The following CXXC1 variants were observed in gnomAD, a reference collection of about 807,000 sequenced individuals.
The protein encoded by CXXC1 is CXXC finger protein 1.
CXXC1 carries 21 observed loss-of-function variants against 83.6 expected under a neutral mutation model. The ratio of observed to expected loss-of-function variants is 0.25; its 90% confidence interval spans 0.18 to 0.36. The LOEUF (loss-of-function observed/expected upper bound fraction) is 0.36, where lower values mean the gene tolerates loss of function less well. Among genes scored for constraint, CXXC1 ranks in the 10% least tolerant of loss-of-function variants. The pLI is 1.00. For missense variants in CXXC1, 688 were observed against 919.5 expected (o/e 0.75, Z 3.26); for synonymous variants, 371 against 337.5 (o/e 1.10, Z -1.09).
In CXXC1 at chr18:50,282,694, T is replaced by C. The variant is rs2040533130; in HGVS notation, c.1870A>G (p.Thr624Ala). Reference protein sequence around the residue: ...ELFEQERNVRTAMTNRAGLLA... With the variant: ...ELFEQERNVRAAMTNRAGLLA... ...AATCCCGCGCGGTTTGTCATGGCTG[T>C]GCGCACATTGCGCTCCTGCTCAAAC... Residue 624 changes from threonine (T) to alanine (A), a missense_variant, in exon 15 of 15, where the codon ACA becomes GCA. Transcript: ENST00000285106. The surrounding 1 kb of genome is among the most constrained non-coding windows in gnomAD (Gnocchi z 5.8). The C allele has an allele frequency of 5.0e-6, 8 of 1,613,904 alleles. 1 individual carries two copies. In the East Asian group the frequency reaches 1.8e-4, roughly 36 times the overall value.
intron 3 of CXXC1, 47 bp from the exon 4 acceptor site, chr18:50,286,304 T>G (rs757129070): frequency 2.9e-5 from 43 of 1,506,824 alleles, no homozygotes; most frequent in Non-Finnish European, 3.2e-5. Context: ...CTGGATGGCT[T>G]GAATGGTCCC....
chr18:50,287,554 A>C lies in CXXC1; in HGVS notation c.3+33T>G, dbSNP rs760068016. The C allele has an allele frequency of 5.6e-6, 9 of 1,611,306 alleles. No homozygotes were observed. The Admixed American group carries it at 1.5e-4, about 27-fold the overall frequency. On this transcript the variant is annotated intron_variant, in intron 1 of 14. Coordinates refer to ENST00000285106, the MANE Select transcript of CXXC1 (RefSeq NM_014593.4). The stretch of plus-strand genomic sequence containing the variant: ...CACTGTTGCCAACCGACCGACCTCC[A>C]CCGCCGAACCCCTCCCTGGACCCGC...
rs542493768 is a variant in CXXC1 at position 50,287,684 on chromosome 18, C to A, written c.-95G>T. ...GGCGTCCCAGGCGGTTGCAAAGGCGCCCACAACTACTTCCGCTTCTAGTCA... is the reference window on the plus strand; with the variant it reads ...GGCGTCCCAGGCGGTTGCAAAGGCGACCACAACTACTTCCGCTTCTAGTCA... On this transcript the variant is annotated 5_prime_UTR_variant, in exon 1 of 15. Transcript: ENST00000285106. 8.1e-6 allele frequency: 12 copies of A among 1,486,160 alleles called. No homozygotes were observed. The East Asian group carries it at 2.5e-4, about 31-fold the overall frequency. 92.1% of individuals were successfully genotyped at this position (1,486,160 alleles called of 1,614,324 possible). A position where few individuals can be genotyped will look rare whatever the true frequency, so the allele number is the denominator to read the frequency against.
At position 50,285,481 on chromosome 18, in the gene CXXC1, G is replaced by T; in HGVS notation, c.640-130C>A. 2 of 1,184,158 alleles carry T rather than the reference G, an allele frequency of 1.7e-6. No homozygotes were observed. The highest frequency in any genetic ancestry group is 2.3e-6 in the Non-Finnish European group (2 of 852,432). The allele number at this position is 1,184,158 out of a possible 1,614,324, so 73.4% of individuals were successfully genotyped here. The stretch of plus-strand genomic sequence containing the variant: ...CCCGCTACCCCTCATTGCCAGGAAT[G>T]CTCAGCCCTGCCTGATCTGTACCAA... On this transcript the variant is annotated intron_variant, in intron 5 of 14. Coordinates refer to ENST00000285106, the MANE Select transcript of CXXC1 (RefSeq NM_014593.4). The surrounding 1 kb of genome is among the most constrained non-coding windows in gnomAD (Gnocchi z 4.4).
chr18:50,287,100 C>A (rs1599676799), intron 1 of CXXC1: 1 of 565,736 alleles, frequency 1.8e-6, no homozygotes, highest in East Asian at 2.9e-5. Flanking sequence ...CGTCCACACT[C>A]GCTAATGGGT....
chr18:50,286,945 G>A, intron 1 of CXXC1, 87 bp from the exon 2 acceptor site: 1 of 941,000 alleles, frequency 1.1e-6, no homozygotes, highest in Non-Finnish European at 1.7e-6. Context: ...GGTCAGCAGG[G>A]ATCCCCACTC....
chr18:50,283,992 T>C lies in CXXC1; in HGVS notation c.1315A>G (p.Ser439Gly), dbSNP rs780153707. 8.7e-6 allele frequency: 14 copies of C among 1,613,410 alleles called. No homozygotes were observed. The highest frequency in any genetic ancestry group is 1.2e-5 in the Non-Finnish European group (14 of 1,179,896). Residue 439 changes from serine to glycine, a missense_variant, in exon 10 of 15, where the codon AGT (serine) becomes GGT (glycine). This residue lies in a region of CXXC1 where 100 missense variants were observed against 142.5 expected (regional missense o/e 0.70). Transcript: ENST00000285106. ...LLERIRREQQSARTRLQEMER... is the reference protein window; with the variant it reads ...LLERIRREQQGARTRLQEMER... ...ATTTCCTGAAGGCGAGTGCGGGCAC[T>C]CTGCTGCTCTCGGCGAATGCGTTCG...
chr18:50,284,295 TTGAC>T (rs2040676871), intron 9 of CXXC1, 79 bp downstream of exon 9: 1 of 1,520,312 alleles, frequency 6.6e-7, no homozygotes, highest in Non-Finnish European at 8.8e-7. Context: ...GGATAGCTGA[TTGAC>T]TGGTAGACAT....
Position 50,285,307 on chromosome 18 carries a change from CT to C in CXXC1, c.666+17del, listed in dbSNP as rs750943710. 1.2e-5 allele frequency: 20 copies of C among 1,608,476 alleles called. No homozygotes were observed. The South Asian group carries it at 2.1e-4, about 17-fold the overall frequency. ...CCCTGCCCGCATGCCCCACCCCACC[CT>C]GGGGGGCTGGACTCACCGAGGAAGG... On this transcript the variant is annotated intron_variant, in intron 6 of 14. Coordinates refer to ENST00000285106, the MANE Select transcript of CXXC1 (RefSeq NM_014593.4). The surrounding 1 kb of genome is among the most constrained non-coding windows in gnomAD (Gnocchi z 4.4).
Position 50,283,902 on chromosome 18 carries a change from C to T in CXXC1, c.1405G>A (p.Asp469Asn), listed in dbSNP as rs1433862853. The T allele has an allele frequency of 6.2e-7, 1 of 1,614,096 alleles. No homozygotes were observed. Among genetic ancestry groups the T allele is most frequent in the East Asian group, 2.2e-5 (1 of 44,876 alleles). The change falls in exon 10 of 15, where the codon GAT becomes AAT. Residue 469 changes from aspartate to asparagine, a missense_variant. Transcript: ENST00000285106. Reference protein sequence around the residue: ...LRAKQQAVREDEESNEGDSDD... With the variant: ...LRAKQQAVRENEESNEGDSDD... Reference sequence around the variant, plus strand: ...CGCCCCTGCTTGCTCACCTCCTCATCCTCGCGCACAGCCTGCTGCTTGGCA... The same window carrying T: ...CGCCCCTGCTTGCTCACCTCCTCATTCTCGCGCACAGCCTGCTGCTTGGCA...
chr18:50,282,674 C>T lies in CXXC1; in HGVS notation c.1890G>A (p.Ala630=), dbSNP rs2040529975. ...RNVRTAMTNR[A]GLLALMLHQT... is the part of the protein sequence containing the mutation. ...GGTGCAGCATCAGGGCCAGCAATCC[C>T]GCGCGGTTTGTCATGGCTGTGCGCA... is the stretch of plus-strand genomic sequence containing the variant. The change falls in exon 15 of 15, where the codon GCG becomes GCA. Residue 630 remains alanine (A), a synonymous_variant. Coordinates refer to ENST00000285106, the MANE Select transcript of CXXC1 (RefSeq NM_014593.4). The surrounding 1 kb of genome is among the most constrained non-coding windows in gnomAD (Gnocchi z 5.8). 1 of 1,613,542 alleles carries T rather than the reference C, an allele frequency of 6.2e-7. No homozygotes were observed. Among genetic ancestry groups the T allele is most frequent in the East Asian group, 2.2e-5 (1 of 44,872 alleles).
rs2040698880 is a variant in CXXC1, at chr18:50,285,460, C to A, written c.640-109G>T. 4.5e-6 allele frequency: 6 copies of A among 1,327,590 alleles called. No individual in the cohort carries two copies. Among genetic ancestry groups the A allele is most frequent in the Admixed American group, 5.2e-5 (2 of 38,304 alleles). 82.2% of individuals were successfully genotyped at this position (1,327,590 alleles called of 1,614,324 possible). ...TTACCTCCCCAGACACACCTCCCCG[C>A]TACCCCTCATTGCCAGGAATGCTCA... On this transcript the variant is annotated intron_variant, in intron 5 of 14. Coordinates refer to ENST00000285106, the MANE Select transcript of CXXC1 (RefSeq NM_014593.4). This position sits in a 1 kb window ranked among gnomAD's most constrained non-coding sequence, Gnocchi z 4.4.
At chr18:50,286,381 C>A in intron 3 of CXXC1, 124 bp from the exon 4 acceptor site, 1 of 1,080,730 alleles carries the variant, frequency 9.3e-7, no homozygotes, top group East Asian at 2.4e-5. Flanking sequence ...CTGTCCAGGG[C>A]AGAGCTGCCT....
At position 50,283,575 on chromosome 18, in the gene CXXC1, G is replaced by A. The variant is rs1473240604; in HGVS notation, c.1525-11C>T. The A allele has an allele frequency of 1.9e-6, 3 of 1,613,828 alleles. No homozygotes were observed. Among genetic ancestry groups the A allele is most frequent in the Non-Finnish European group, 2.5e-6 (3 of 1,179,966 alleles). ...CGTCTGGCTCTCATACTGGAGGGATGAGCACAAATGGAGGGAACTGTGGAT... is the reference window on the plus strand; with the variant it reads ...CGTCTGGCTCTCATACTGGAGGGATAAGCACAAATGGAGGGAACTGTGGAT... On this transcript the variant is annotated splice_polypyrimidine_tract_variant and intron_variant, in intron 11 of 14. Coordinates refer to ENST00000285106, the MANE Select transcript of CXXC1 (RefSeq NM_014593.4).
chr18:50,286,481 G>A lies in CXXC1; in HGVS notation c.223+58C>T, dbSNP rs559303597. On this transcript the variant is annotated intron_variant, in intron 3 of 14. Coordinates refer to ENST00000285106, the MANE Select transcript of CXXC1 (RefSeq NM_014593.4). ...ACTAATCCCCATAACCCCCCCTTGTGGCTCCTCCTCCTCCCTTGAAGCCCC... is the reference window on the plus strand; with the variant it reads ...ACTAATCCCCATAACCCCCCCTTGTAGCTCCTCCTCCTCCCTTGAAGCCCC... 4.6e-5 allele frequency: 66 copies of A among 1,420,144 alleles called. 1 individual carries two copies. In the South Asian group the frequency reaches 6.6e-4, roughly 14 times the overall value. The allele number at this position is 1,420,144 out of a possible 1,614,324, so 88.0% of individuals were successfully genotyped here. A position where few individuals can be genotyped will look rare whatever the true frequency, so the allele number is the denominator to read the frequency against.
chr18:50,285,742 T>C lies in CXXC1; in HGVS notation c.639+7A>G, dbSNP rs750474633. 16 of 1,611,236 alleles carry C rather than the reference T, an allele frequency of 9.9e-6. No individual in the cohort carries two copies. Among genetic ancestry groups the C allele is most frequent in the Non-Finnish European group, 1.3e-5 (15 of 1,179,912 alleles). ...ACCTGACCCTACCCAGCTCTGTCCA[T>C]GCTCACCCGGGCCCGCAGCTGGCAC... On this transcript the variant is annotated splice_region_variant and intron_variant, in intron 5 of 14. Coordinates refer to ENST00000285106, the MANE Select transcript of CXXC1 (RefSeq NM_014593.4). The surrounding 1 kb of genome is among the most constrained non-coding windows in gnomAD (Gnocchi z 4.4).
At position 50,285,920 on chromosome 18, in the gene CXXC1, CTGGTGA is replaced by C; in HGVS notation, c.462_467del (p.His154_His155del). On this transcript the variant is annotated inframe_deletion and splice_region_variant, in exon 5 of 15. Transcript: ENST00000285106. The surrounding 1 kb of genome is among the most constrained non-coding windows in gnomAD (Gnocchi z 4.4). ...ACCGTTTGATCTGCTGCTGCTGCTG[CTGGTGA>C]TGCTGCAGGAGGGGGCCCAGAACAG... The C allele has an allele frequency of 6.2e-7, 1 of 1,613,764 alleles. No individual in the cohort carries two copies. The highest frequency in any genetic ancestry group is 8.5e-7 in the Non-Finnish European group (1 of 1,179,982).
At position 50,286,109 on chromosome 18, in the gene CXXC1, T is replaced by G. The variant is rs1186638087; in HGVS notation, c.372A>C (p.Ser124=). Residue 124 remains serine, a synonymous_variant, in exon 4 of 15, where the codon TCA becomes TCC. Transcript: ENST00000285106. ...CAAGCATGGCCCCAACCCCTGTCCCTGACCCTGCCCGGCGCTGCAGGTCTG... is the reference window on the plus strand; with the variant it reads ...CAAGCATGGCCCCAACCCCTGTCCCGGACCCTGCCCGGCGCTGCAGGTCTG... The part of the protein sequence containing the change: ...PDPDLQRRAG[S]GTGVGAMLAR... 2 of 1,613,868 alleles carry G rather than the reference T, an allele frequency of 1.2e-6. No homozygotes were observed. Among genetic ancestry groups the G allele is most frequent in the African/African-American group, 1.3e-5 (1 of 74,922 alleles).
Position 50,285,637 on chromosome 18 carries a change from G to GATAC in CXXC1, c.639+108_639+111dup, listed in dbSNP as rs1365445368. 40 of 1,344,912 alleles carry GATAC rather than the reference G, an allele frequency of 3.0e-5. No homozygotes were observed. Among genetic ancestry groups the GATAC allele is most frequent in the Non-Finnish European group, 5.2e-6 (5 of 970,706 alleles). 83.3% of individuals were successfully genotyped at this position (1,344,912 alleles called of 1,614,324 possible). ...TGACAGGCCCCTTCCCACCTGTCAG[G>GATAC]ATACAGTCAGGCCCAATCCCACCTG... On this transcript the variant is annotated intron_variant, in intron 5 of 14. Transcript: ENST00000285106. This position sits in a 1 kb window ranked among gnomAD's most constrained non-coding sequence, Gnocchi z 4.4.
Sources: gnomAD v4.1 joint callset for allele counts on GRCh38, gnomAD v4.1.1 for gene constraint, gnomAD v4.1.1 regional missense constraint, Gnocchi (gnomAD v3.1) non-coding constraint, MANE v1.5 for transcripts, NCBI Gene and HGNC (gene_info 2026-07-23, HGNC 2026-07-21) for gene names.